The following FANCB variants were observed in gnomAD, a reference collection of about 807,000 sequenced individuals.
FANCB encodes FA complementation group B, also known as Fanconi anemia group B protein.
A neutral mutation model predicts 38.9 loss-of-function variants in FANCB; 5 were observed. That is an observed-to-expected ratio of 0.13 (90% CI 0.07 to 0.27). The LOEUF is 0.27. Among genes scored for constraint, FANCB ranks in the 10% least tolerant of loss-of-function variants. FANCB has a pLI of 1.00. For missense variants in FANCB, 573 were observed against 602.7 expected, an observed-to-expected ratio of 0.95 and a Z score of 0.52; for synonymous variants, 236 against 215.4, an observed-to-expected ratio of 1.10 and a Z score of -0.84.
chrX:14,773,364 C>T, the FANCB span, among the ~76,000 whole-genome samples: 1 of 111,998 alleles, frequency 8.9e-6, no homozygotes, highest in African/African-American at 3.2e-5. Flanking sequence ...TCTGTGAGAG[C>T]TCTGAACATA....
At chrX:14,844,366 C>T (rs1260607399) in intron 9 of FANCB, 137 bp downstream of exon 9, 1 of 515,184 alleles carries the variant, frequency 1.9e-6, no homozygotes. Flanking sequence ...CCGATGCGTT[C>T]ATTCATGCTA....
chrX:14,707,837 A>G, the FANCB span, among the ~76,000 whole-genome samples: 2 of 111,062 alleles, frequency 1.8e-5, no homozygotes, highest in Non-Finnish European at 3.8e-5. Context: ...GCTTTAAGGT[A>G]TAATTGACAA....
At chrX:14,738,063 T>C in the FANCB span, among the ~76,000 whole-genome samples, 2 of 111,783 alleles carry the variant, frequency 1.8e-5, no homozygotes, top group African/African-American at 6.5e-5. Context: ...GTCCTCCCAT[T>C]AGAAAACTGA....
the FANCB span, among the ~76,000 whole-genome samples, chrX:14,699,106 C>A: frequency 3.6e-5 from 4 of 112,198 alleles, no homozygotes; most frequent in Non-Finnish European, 7.5e-5. Context: ...AACTGGCCAA[C>A]CCCAGTCTAT....
chrX:14,762,742 C>T, the FANCB span, among the ~76,000 whole-genome samples: 1 of 112,034 alleles, frequency 8.9e-6, no homozygotes, highest in African/African-American at 3.2e-5. Flanking sequence ...AAACCAACAT[C>T]AACACCAGAC....
chrX:14,856,396 A>C (rs2092423249), intron 5 of FANCB, among the ~76,000 whole-genome samples: 1 of 112,037 alleles, frequency 8.9e-6, no homozygotes, highest in Non-Finnish European at 1.9e-5. Context: ...TTTTATATTA[A>C]GAAAATTAAT....
rs1180175683 is a variant in FANCB, at chrX:14,853,912, G to C, written c.1198-745C>G. Among the ~76,000 whole-genome samples, 10 of 112,188 alleles carry C rather than the reference G, an allele frequency of 8.9e-5. 1 individual carries two copies. The highest frequency in any genetic ancestry group is 8.5e-4 in the Admixed American group (9 of 10,627). On this transcript the variant is annotated intron_variant, in intron 5 of 9. Coordinates refer to ENST00000650831, the MANE Select transcript of FANCB (RefSeq NM_001018113.3). Reference sequence around the variant, plus strand: ...AACTGATAGAAGTTGTTTCATTTCAGGTGGATATCTGAGGCTGTTTAAGTA... The same window carrying C: ...AACTGATAGAAGTTGTTTCATTTCACGTGGATATCTGAGGCTGTTTAAGTA...
the FANCB span, among the ~76,000 whole-genome samples, chrX:14,717,947 G>A: frequency 1.0e-3 from 113 of 111,235 alleles, 1 homozygote; most frequent in African/African-American, 3.5e-3. Flanking sequence ...ATGAGTAAAT[G>A]TGATTCTCTG....
the FANCB span, among the ~76,000 whole-genome samples, chrX:14,728,898 C>T: frequency 4.1e-4 from 46 of 112,313 alleles, 1 homozygote; most frequent in Non-Finnish European, 8.1e-4. Flanking sequence ...ACTCTTTAAA[C>T]TGTTACCTGC....
At chrX:14,819,648 A>G in the FANCB span, among the ~76,000 whole-genome samples, 1 of 111,968 alleles carries the variant, frequency 8.9e-6, no homozygotes, top group Non-Finnish European at 1.9e-5. Flanking sequence ...TTTATAGGAA[A>G]AAGTATTATA....
the FANCB span, among the ~76,000 whole-genome samples, chrX:14,821,902 T>C: frequency 9.0e-6 from 1 of 111,708 alleles, no homozygotes; most frequent in Non-Finnish European, 1.9e-5. Flanking sequence ...TTCTTCCTCA[T>C]AGGGACATTC....
At chrX:14,854,745 A>G (rs2147416511) in intron 5 of FANCB, among the ~76,000 whole-genome samples, 1 of 111,578 alleles carries the variant, frequency 9.0e-6, no homozygotes, top group Non-Finnish European at 1.9e-5. Context: ...AATGAAGCCG[A>G]CACCCATGTA....
chrX:14,813,381 T>G, the FANCB span, among the ~76,000 whole-genome samples: 1 of 110,674 alleles, frequency 9.0e-6, no homozygotes, highest in East Asian at 2.8e-4. Flanking sequence ...AAATTGTCCC[T>G]ATTTGCAGAT....
the FANCB span, among the ~76,000 whole-genome samples, chrX:14,735,403 C>T: frequency 6.3e-5 from 7 of 111,602 alleles, no homozygotes; most frequent in Admixed American, 3.8e-4. Context: ...TGGTGTCCTT[C>T]GGATGGGGTT....
At chrX:14,812,490 C>T in the FANCB span, among the ~76,000 whole-genome samples, 8 of 112,207 alleles carry the variant, frequency 7.1e-5, no homozygotes, top group Non-Finnish European at 1.3e-4. Flanking sequence ...GATATCACCA[C>T]TGATCCCACA....
At chrX:14,855,312 C>A (rs1268226797) in intron 5 of FANCB, among the ~76,000 whole-genome samples, 1 of 111,999 alleles carries the variant, frequency 8.9e-6, no homozygotes, top group Non-Finnish European at 1.9e-5. Flanking sequence ...ACGTCATGTG[C>A]AAAATGGTGC....
intron 7 of FANCB, among the ~76,000 whole-genome samples, chrX:14,845,491 C>T (rs1274889724): frequency 9.0e-6 from 1 of 111,348 alleles, no homozygotes; most frequent in African/African-American, 3.3e-5. Context: ...TCTCAAAAGG[C>T]AAGCAAAAAC....
At chrX:14,739,629 T>C in the FANCB span, among the ~76,000 whole-genome samples, 2 of 111,765 alleles carry the variant, frequency 1.8e-5, no homozygotes, top group Non-Finnish European at 3.8e-5. Flanking sequence ...AGTCAAGATT[T>C]TGTGTGATTG....
At chrX:14,706,619 T>C in the FANCB span, among the ~76,000 whole-genome samples, 3 of 111,762 alleles carry the variant, frequency 2.7e-5, no homozygotes, top group African/African-American at 9.8e-5. Context: ...GGATTATCAT[T>C]CTGGTATTAG....
Sources: allele counts gnomAD v4.1 joint callset (sites outside exome capture counted in the v4.1 genomes callset), GRCh38; gene constraint gnomAD v4.1.1; transcripts MANE v1.5; gene names NCBI Gene and HGNC (gene_info 2026-07-23, HGNC 2026-07-21).